The following JCAD variants were observed in gnomAD, a reference collection of about 807,000 sequenced individuals.
The protein encoded by JCAD is junctional cadherin 5 associated.
JCAD carries 40 observed loss-of-function variants against 98.0 expected under a neutral mutation model. The observed-to-expected ratio is 0.41, with a 90% CI of 0.32 to 0.53. The LOEUF is 0.53. JCAD is among the 20% of genes least tolerant of loss of function. The pLI is 0.31. For missense variants in JCAD, 1,705 were observed against 1,738.1 expected, an observed-to-expected ratio of 0.98 and a Z score of 0.34; for synonymous variants, 691 against 682.3, an observed-to-expected ratio of 1.01 and a Z score of -0.20.
intron 1 of JCAD, among the ~76,000 whole-genome samples, chr10:30,108,035 G>A (rs995756765): frequency 2.0e-5 from 3 of 152,066 alleles, no homozygotes; most frequent in Admixed American, 6.6e-5. Context: ...GATGGTGGCC[G>A]GGTGCGGTGG....
At chr10:30,025,963 T>G (rs1265206084) in intron 3 of JCAD, 140 bp downstream of exon 3, 2 of 954,008 alleles carry the variant, frequency 2.1e-6, no homozygotes, top group African/African-American at 3.3e-5. Context: ...AAATGAGGAA[T>G]CTTTTGATAA....
At chr10:30,040,469 G>A (rs543960633) in intron 2 of JCAD, among the ~76,000 whole-genome samples, 6 of 152,346 alleles carry the variant, frequency 3.9e-5, no homozygotes, top group African/African-American at 1.4e-4. Context: ...TGCCATGATA[G>A]ACATGGAGAA....
At chr10:30,037,582 T>C (rs1837141020) in intron 2 of JCAD, among the ~76,000 whole-genome samples, 1 of 152,174 alleles carries the variant, frequency 6.6e-6, no homozygotes, top group African/African-American at 2.4e-5. Context: ...TGACAGGCAG[T>C]GCAGATTCAG....
At chr10:30,107,699 T>G (rs1838611562) in intron 1 of JCAD, among the ~76,000 whole-genome samples, 2 of 152,204 alleles carry the variant, frequency 1.3e-5, no homozygotes, top group South Asian at 4.1e-4. Flanking sequence ...CTTCCTTGCA[T>G]GAGGTCCAAG....
At chr10:30,058,009 G>T (rs535286639) in intron 1 of JCAD, among the ~76,000 whole-genome samples, 1 of 152,234 alleles carries the variant, frequency 6.6e-6, no homozygotes, top group Non-Finnish European at 1.5e-5. Context: ...AAAATGAACT[G>T]ACATTCCCAA....
chr10:30,073,052 T>C (rs1274378374), intron 1 of JCAD, among the ~76,000 whole-genome samples: 1 of 152,248 alleles, frequency 6.6e-6, no homozygotes, highest in Admixed American at 6.5e-5. Context: ...ACTCGCCCTG[T>C]AGATCTCATG....
rs1419430556 is a variant in JCAD, at chr10:30,013,326, G to A, written c.*4557C>T. On this transcript the variant is annotated 3_prime_UTR_variant, in exon 4 of 4. Transcript: ENST00000375377. ...CCCTGTTTCAAGGGGGGGAAAAAAAGTTTCTTTGGAGTTGCAAGGCCTTGT... is the reference window on the plus strand; with the variant it reads ...CCCTGTTTCAAGGGGGGGAAAAAAAATTTCTTTGGAGTTGCAAGGCCTTGT... The A allele has an allele frequency of 1.3e-5, 2 of 151,452 alleles. No homozygotes were observed. The highest frequency in any genetic ancestry group is 2.9e-5 in the Non-Finnish European group (2 of 67,836). The allele number at this position is 151,452 out of a possible 1,614,324, so 9.4% of individuals were successfully genotyped here.
chr10:30,070,716 A>G (rs963491281), intron 1 of JCAD, among the ~76,000 whole-genome samples: 1 of 152,124 alleles, frequency 6.6e-6, no homozygotes, highest in Non-Finnish European at 1.5e-5. Flanking sequence ...ACAGTTTTAT[A>G]CATCTTGGAA....
At position 30,026,186 on chromosome 10, in the gene JCAD, G is replaced by T; in HGVS notation, c.3962C>A (p.Ser1321Tyr). 5.0e-6 allele frequency: 8 copies of T among 1,614,150 alleles called. No homozygotes were observed. Among genetic ancestry groups the T allele is most frequent in the Non-Finnish European group, 5.9e-6 (7 of 1,180,032 alleles). The change falls in exon 3 of 4, where the codon TCC (serine) becomes TAC (tyrosine). Residue 1321 changes from serine (S) to tyrosine (Y), a missense_variant. Physicochemically the swap from Ser to Tyr is moderately radical, Grantham distance 144. Transcript: ENST00000375377. The stretch of plus-strand genomic sequence containing the variant: ...CTCTTCCCTGGAGATGCTGTCCTTG[G>T]ACACAGAGAGTGAGTGGCCCAATCT... ...AQRLGHSLSV[S>Y]KDSISREEKE... is the part of the protein sequence containing the mutation.
chr10:30,046,550 A>G (rs1016717525), intron 2 of JCAD, among the ~76,000 whole-genome samples: 1 of 152,200 alleles, frequency 6.6e-6, no homozygotes, highest in African/African-American at 2.4e-5. Flanking sequence ...AAAATATTGA[A>G]TTGTGTTAAT....
chr10:30,114,767 T>C (rs1016976293), intron 1 of JCAD, among the ~76,000 whole-genome samples: 7 of 151,686 alleles, frequency 4.6e-5, no homozygotes, highest in African/African-American at 1.7e-4. Flanking sequence ...AAGTCATGAG[T>C]TTAAAAAATA....
At chr10:30,085,694 T>C (rs1838156000) in intron 1 of JCAD, among the ~76,000 whole-genome samples, 1 of 152,138 alleles carries the variant, frequency 6.6e-6, no homozygotes, top group African/African-American at 2.4e-5. Flanking sequence ...GAGTGATAGG[T>C]TGAGCCTAAA....
intron 1 of JCAD, among the ~76,000 whole-genome samples, chr10:30,071,031 A>G (rs1468513700): frequency 2.0e-5 from 3 of 152,046 alleles, no homozygotes; most frequent in African/African-American, 7.2e-5. Context: ...CAGCCTCCCA[A>G]GTAGCTGGGA....
At position 30,027,524 on chromosome 10, in the gene JCAD, C is replaced by A. The variant is rs1226488982; in HGVS notation, c.2624G>T (p.Arg875Ile). 2.5e-6 allele frequency: 4 copies of A among 1,612,542 alleles called. No individual in the cohort carries two copies. In the South Asian group the frequency reaches 4.4e-5, roughly 18 times the overall value. Residue 875 changes from arginine to isoleucine, a missense_variant, in exon 3 of 4, where the codon AGA (arginine) becomes ATA (isoleucine). By Grantham distance (97) the Arg-to-Ile change is moderately conservative. This residue lies in a region of JCAD where 1,278 missense variants were observed against 1,243.1 expected (regional missense o/e 1.03). Coordinates refer to ENST00000375377, the MANE Select transcript of JCAD (RefSeq NM_020848.4). ...EPQQENRAHCRQEDVGFRGNS... is the reference protein window; with the variant it reads ...EPQQENRAHCIQEDVGFRGNS... ...TCCGCGGAAGCCCACATCCTCCTGTCTGCAGTGAGCACGGTTCTCCTGCTG... is the reference window on the plus strand; with the variant it reads ...TCCGCGGAAGCCCACATCCTCCTGTATGCAGTGAGCACGGTTCTCCTGCTG...
In JCAD at chr10:30,087,717, T is replaced by C. The variant is rs75583251; in HGVS notation, n.129-17896A>G. On this transcript the variant is annotated intron_variant and non_coding_transcript_variant, in intron 1 of 2. Coordinates refer to the JCAD transcript ENST00000465712. ...TTCTCCATTTTTTCAGTAATACAAT[T>C]GCCCAACTCAACTGATTTTGAATGT... is the stretch of plus-strand genomic sequence containing the variant. Among the ~76,000 whole-genome samples the C allele has an allele frequency of 3.4e-3, 520 of 152,316 alleles. 1 individual carries two copies. The highest frequency in any genetic ancestry group is 6.3e-3 in the Non-Finnish European group (429 of 68,030).
At chr10:30,063,883 C>T (rs890824693), upstream of JCAD, among the ~76,000 whole-genome samples, 1 of 151,818 alleles carries the variant, frequency 6.6e-6, no homozygotes, top group Non-Finnish European at 1.5e-5. Context: ...TCTCGGCTTA[C>T]TGCAACCTCC....
chr10:30,050,314 CAA>C (rs61421356), intron 1 of JCAD, among the ~76,000 whole-genome samples: 487 of 41,760 alleles, frequency 0.012, 6 homozygotes, highest in African/African-American at 0.034. Flanking sequence ...GACCCTGTCT[CAA>C]AAAAAAAAAA....
chr10:30,028,203 T>C lies in JCAD; in HGVS notation c.1945A>G (p.Lys649Glu). The change falls in exon 3 of 4, where the codon AAA becomes GAA. Residue 649 changes from lysine to glutamate, a missense_variant. Physicochemically the swap from Lys to Glu is moderately conservative, Grantham distance 56. Transcript: ENST00000375377. ...GSMGGRTEFQ[K>E]QDLGEPEEDR... The stretch of plus-strand genomic sequence containing the variant: ...TCTTCTGGTTCCCCTAGATCTTGTT[T>C]TTGGAACTCCGTTCTCCCACCCATG... 6.2e-7 allele frequency: 1 copy of C among 1,614,224 alleles called. No homozygotes were observed. The highest frequency in any genetic ancestry group is 8.5e-7 in the Non-Finnish European group (1 of 1,180,044).
At position 30,026,801 on chromosome 10, in the gene JCAD, G is replaced by A; in HGVS notation, c.3347C>T (p.Ala1116Val). ...GGGGGACTCTGGGGTGCAGGCACTT[G>A]CATCGGGCTCAGCAGGCTGGTTCTG... ...AGQNQPAEPDASACTPESPQE... is the reference protein window; with the variant it reads ...AGQNQPAEPDVSACTPESPQE... The change falls in exon 3 of 4, where the codon GCA becomes GTA. Residue 1116 changes from alanine (A) to valine (V), a missense_variant. Ala to Val is a moderately conservative substitution (Grantham distance 64). Coordinates refer to ENST00000375377, the MANE Select transcript of JCAD (RefSeq NM_020848.4). The A allele has an allele frequency of 1.2e-6, 2 of 1,614,096 alleles. No individual in the cohort carries two copies. The highest frequency in any genetic ancestry group is 1.7e-6 in the Non-Finnish European group (2 of 1,180,038).
Sources: gnomAD v4.1 joint callset for allele counts (sites outside exome capture counted in the v4.1 genomes callset) on GRCh38, gnomAD v4.1.1 for gene constraint, gnomAD v4.1.1 regional missense constraint, MANE v1.5 for transcripts, NCBI Gene and HGNC (gene_info 2026-07-23, HGNC 2026-07-21) for gene names.